SEMA5A: variants seen among roughly 807,000 people sequenced by gnomAD.
SEMA5A encodes the protein semaphorin 5A.
In SEMA5A, 55 loss-of-function variants were observed where a neutral mutation model predicts 135.5. That is an observed-to-expected ratio of 0.41 (90% confidence interval 0.33 to 0.51). The LOEUF (loss-of-function observed/expected upper bound fraction) is 0.51. SEMA5A is among the 20% of genes least tolerant of loss of function. The probability of loss-of-function intolerance (pLI) is 0.37; values close to 1 mark genes in which losing one functional copy is unlikely to be tolerated. For missense variants in SEMA5A, 1,290 were observed against 1,419.9 expected, an observed-to-expected ratio of 0.91 and a Z score of 1.47; for synonymous variants, 580 against 546.5, an observed-to-expected ratio of 1.06 and a Z score of -0.85.
At chr5:9,145,499 C>T (rs1305039582) in intron 12 of SEMA5A, among the ~76,000 whole-genome samples, 2 of 152,132 alleles carry the variant, frequency 1.3e-5, no homozygotes, top group African/African-American at 4.8e-5. Flanking sequence ...AGTCCAGGTG[C>T]TCGTATTTAG....
chr5:9,197,454 C>A, intron 9 of SEMA5A, 151 bp from the exon 10 acceptor site: 1 of 915,320 alleles, frequency 1.1e-6, no homozygotes, highest in Non-Finnish European at 1.6e-6. Context: ...GAAGTCAGAG[C>A]GTGAATGGGG....
chr5:9,088,637 A>ATATAT (rs1738846706), intron 16 of SEMA5A, among the ~76,000 whole-genome samples: 4 of 108,110 alleles, frequency 3.7e-5, no homozygotes, highest in African/African-American at 8.5e-5. Flanking sequence ...CTACATTTAT[A>ATATAT]ATATATATAT....
chr5:9,238,976 C>A (rs1291356977), intron 5 of SEMA5A, among the ~76,000 whole-genome samples: 8 of 151,986 alleles, frequency 5.3e-5, no homozygotes, highest in Admixed American at 5.2e-4. Context: ...AATGGCTTCA[C>A]CCTTATTTTT....
At chr5:9,206,388 T>C (rs1746016790) in intron 8 of SEMA5A, among the ~76,000 whole-genome samples, 1 of 152,188 alleles carries the variant, frequency 6.6e-6, no homozygotes, top group African/African-American at 2.4e-5. Context: ...CATATTTACT[T>C]ACATAATAGT....
chr5:9,527,962 A>C (rs1179780542), intron 1 of SEMA5A, among the ~76,000 whole-genome samples: 1 of 152,214 alleles, frequency 6.6e-6, no homozygotes, highest in Admixed American at 6.5e-5. Context: ...TTCATAGAAT[A>C]AAAATATCTA....
intron 13 of SEMA5A, among the ~76,000 whole-genome samples, chr5:9,123,081 C>G (rs1460170963): frequency 6.6e-6 from 1 of 151,134 alleles, no homozygotes; most frequent in Non-Finnish European, 1.5e-5. Context: ...GGTGAAACCC[C>G]GTCTCCACTA....
At chr5:9,474,411 A>T (rs1759592713) in intron 1 of SEMA5A, among the ~76,000 whole-genome samples, 1 of 151,926 alleles carries the variant, frequency 6.6e-6, no homozygotes, top group Non-Finnish European at 1.5e-5. Context: ...CAAAGAACAG[A>T]GCCTTCCCAC....
chr5:9,352,532 G>A (rs988944588), intron 3 of SEMA5A, among the ~76,000 whole-genome samples: 2 of 152,186 alleles, frequency 1.3e-5, no homozygotes, highest in African/African-American at 2.4e-5. Context: ...TTACAGGCAT[G>A]AGCCACCATA....
intron 1 of SEMA5A, among the ~76,000 whole-genome samples, chr5:9,524,332 G>A (rs983504904): frequency 1.3e-5 from 2 of 152,142 alleles, no homozygotes; most frequent in African/African-American, 4.8e-5. Flanking sequence ...ACTAATACAA[G>A]ATCATACTGG....
At chr5:9,062,266 G>A (rs1737224464) in intron 18 of SEMA5A, among the ~76,000 whole-genome samples, 1 of 152,164 alleles carries the variant, frequency 6.6e-6, no homozygotes, top group Non-Finnish European at 1.5e-5. Context: ...CTGTGGCCCG[G>A]CCTATCAGAT....
chr5:9,098,235 C>CTCAA (rs1254820754), intron 16 of SEMA5A, among the ~76,000 whole-genome samples: 1 of 110,150 alleles, frequency 9.1e-6, no homozygotes, highest in Non-Finnish European at 1.8e-5. Flanking sequence ...GAGACTCTGT[C>CTCAA]TCAATAAATA....
chr5:9,215,549 A>G (rs925830508), intron 8 of SEMA5A, among the ~76,000 whole-genome samples: 2 of 151,436 alleles, frequency 1.3e-5, no homozygotes, highest in African/African-American at 2.5e-5. Flanking sequence ...GATTGAAGCT[A>G]TCATAAGCCA....
intron 1 of SEMA5A, among the ~76,000 whole-genome samples, chr5:9,494,078 T>C (rs1353755452): frequency 6.6e-6 from 1 of 152,312 alleles, no homozygotes; most frequent in East Asian, 1.9e-4. Context: ...AGGCTGAGCA[T>C]AAAAATTCCT....
intron 12 of SEMA5A, 102 bp from the exon 13 acceptor site, chr5:9,136,723 C>T: frequency 1.1e-6 from 1 of 926,624 alleles, no homozygotes; most frequent in Non-Finnish European, 1.8e-6. Flanking sequence ...TATGGGATTT[C>T]TTACATATGA....
chr5:9,295,180 C>A (rs1235529453), intron 5 of SEMA5A, among the ~76,000 whole-genome samples: 1 of 152,126 alleles, frequency 6.6e-6, no homozygotes, highest in Non-Finnish European at 1.5e-5. Flanking sequence ...TTCCCGCTAC[C>A]CCAAATTCTT....
intron 1 of SEMA5A, among the ~76,000 whole-genome samples, chr5:9,496,971 A>T (rs1735335410): frequency 6.6e-6 from 1 of 152,252 alleles, no homozygotes; most frequent in Non-Finnish European, 1.5e-5. Flanking sequence ...ATGCATAGAG[A>T]GAACAGGCCT....
chr5:9,057,316 G>C (rs1339254777), intron 18 of SEMA5A, among the ~76,000 whole-genome samples: 1 of 152,218 alleles, frequency 6.6e-6, no homozygotes, highest in Non-Finnish European at 1.5e-5. Flanking sequence ...AATAAAAACA[G>C]AGACTAAATG....
chr5:9,373,392 T>C lies in SEMA5A; in HGVS notation c.124+6431A>G, dbSNP rs1755224837. On this transcript the variant is annotated intron_variant, in intron 3 of 22. Coordinates refer to ENST00000382496, the MANE Select transcript of SEMA5A (RefSeq NM_003966.3). ...AGGCAGCTGTTAAAACCCAAGTTCC[T>C]TAGGGAAGCAGCAGAAAACCAAGTG... Among the ~76,000 whole-genome samples the C allele has an allele frequency of 2.0e-5, 3 of 152,116 alleles. No homozygotes were observed. The South Asian group carries it at 6.2e-4, about 32-fold the overall frequency.
At chr5:9,320,929 C>T (rs979906344) in intron 4 of SEMA5A, among the ~76,000 whole-genome samples, 5 of 152,188 alleles carry the variant, frequency 3.3e-5, no homozygotes, top group South Asian at 2.1e-4. Context: ...CTTTCAGAAG[C>T]GGGGCTTACC....
Sources: allele counts gnomAD v4.1 joint callset (sites outside exome capture counted in the v4.1 genomes callset), GRCh38; gene constraint gnomAD v4.1.1; transcripts MANE v1.5; gene names NCBI Gene and HGNC (gene_info 2026-07-23, HGNC 2026-07-21).